The following SSMEM1 variants were observed in gnomAD, a reference collection of about 807,000 sequenced individuals.
SSMEM1 encodes the protein serine-rich single-pass membrane protein 1.
Under a neutral mutation model 9.9 loss-of-function variants are expected in SSMEM1, and 12 were observed. The observed-to-expected ratio is 1.21, with a 90% CI of 0.78 to 1.96. SSMEM1 has a LOEUF of 1.96. Among genes scored for constraint, SSMEM1 ranks in the 30% most tolerant of loss-of-function variants. The pLI is 0.00. For missense variants in SSMEM1, 259 were observed against 292.2 expected (o/e 0.89, Z 0.83); for synonymous variants, 96 against 98.9 (o/e 0.97, Z 0.17).
chr7:130,205,952 C>T (rs945928436), upstream of SSMEM1, among the ~76,000 whole-genome samples: 3 of 152,128 alleles, frequency 2.0e-5, no homozygotes, highest in African/African-American at 7.2e-5. Flanking sequence ...CTGCTGGCCT[C>T]CCACCGCCTT....
chr7:130,215,719 T>C (rs1798691786), intron 2 of SSMEM1, among the ~76,000 whole-genome samples: 1 of 152,220 alleles, frequency 6.6e-6, no homozygotes, highest in African/African-American at 2.4e-5. Context: ...TTTGACCTTA[T>C]GTTTAGCATC....
Position 130,207,903 on chromosome 7 carries a change from G to C in SSMEM1, c.-8G>C, listed in dbSNP as rs146270376. On this transcript the variant is annotated 5_prime_UTR_variant, in exon 1 of 3. Transcript: ENST00000297819. ...AAGCATGGTTTATTTTCTGAGCAAG[G>C]AGTCATCATGGGAGACCTTTTTTCC... 4,934 of 1,612,864 alleles carry C rather than the reference G, an allele frequency of 3.1e-3. 10 individuals carry two copies. Among genetic ancestry groups the C allele is most frequent in the Non-Finnish European group, 3.8e-3 (4,490 of 1,179,564 alleles).
In SSMEM1 at chr7:130,215,979, A is replaced by G. The variant is rs1798696566; in HGVS notation, c.244A>G (p.Lys82Glu). The G allele has an allele frequency of 1.2e-6, 2 of 1,613,566 alleles. No homozygotes were observed. Among genetic ancestry groups the G allele is most frequent in the Non-Finnish European group, 1.7e-6 (2 of 1,179,716 alleles). Residue 82 changes from lysine to glutamate, a missense_variant, in exon 3 of 3, where the codon AAA becomes GAA. Coordinates refer to ENST00000297819, the MANE Select transcript of SSMEM1 (RefSeq NM_145268.4). ...TATGTTTCATTGGTTGTTAGCAAGC[A>G]AAGAGACTTCCTGTAAGCGGCAAAG... ...GTSTSVRKASKETSCKRQSKD... is the reference protein window; with the variant it reads ...GTSTSVRKASEETSCKRQSKD...
In SSMEM1 at chr7:130,216,242, C is replaced by A; in HGVS notation, c.507C>A (p.His169Gln). 6.2e-7 allele frequency: 1 copy of A among 1,614,098 alleles called. No individual in the cohort carries two copies. The highest frequency in any genetic ancestry group is 8.5e-7 in the Non-Finnish European group (1 of 1,180,018). The part of the protein sequence containing the change: ...ASSWKESESE[H>Q]HPSPDSIKRR... ...CGTGGAAGGAGAGTGAAAGTGAACA[C>A]CACCCATCACCAGACAGTATTAAGA... is the stretch of plus-strand genomic sequence containing the variant. The change falls in exon 3 of 3, where the codon CAC becomes CAA. Residue 169 changes from histidine (H) to glutamine (Q), a missense_variant. Coordinates refer to ENST00000297819, the MANE Select transcript of SSMEM1 (RefSeq NM_145268.4).
At chr7:130,210,746 G>C (rs1798576003) in intron 1 of SSMEM1, among the ~76,000 whole-genome samples, 1 of 152,230 alleles carries the variant, frequency 6.6e-6, no homozygotes, top group Non-Finnish European at 1.5e-5. Context: ...CACAAAGACA[G>C]TTAATAAAAT....
At chr7:130,215,857 C>A in intron 2 of SSMEM1, 117 bp from the exon 3 acceptor site, 1 of 1,366,482 alleles carries the variant, frequency 7.3e-7, no homozygotes, top group Non-Finnish European at 1.0e-6. Context: ...TGGAGAAAAG[C>A]AATGGCTTGA....
At chr7:130,207,712 A>C, upstream of SSMEM1, 1 of 697,086 alleles carries the variant, frequency 1.4e-6, no homozygotes, top group Non-Finnish European at 2.6e-6. Flanking sequence ...AAATAACATA[A>C]ACATTCAGAG....
At chr7:130,206,983 TA>T (rs530574772), upstream of SSMEM1, 1,064 of 109,844 alleles carry the variant, frequency 9.7e-3, 3 homozygotes, top group Middle Eastern at 0.085. Flanking sequence ...GAGACCCTGC[TA>T]AAAAAAAAAA....
chr7:130,212,257 C>T (rs1017770629), intron 1 of SSMEM1, among the ~76,000 whole-genome samples: 4 of 152,050 alleles, frequency 2.6e-5, no homozygotes, highest in Non-Finnish European at 5.9e-5. Flanking sequence ...AAATCCATTT[C>T]TTTTGGTTGC....
chr7:130,215,911 A>C, intron 2 of SSMEM1, 63 bp from the exon 3 acceptor site: 1 of 1,566,584 alleles, frequency 6.4e-7, no homozygotes, highest in South Asian at 1.2e-5. Flanking sequence ...CAGGCTTCTT[A>C]AGTAATAGGA....
In SSMEM1 at chr7:130,216,205, C is replaced by A. The variant is rs763661744; in HGVS notation, c.470C>A (p.Ser157Ter). 13 of 1,614,166 alleles carry A rather than the reference C, an allele frequency of 8.1e-6. No homozygotes were observed. Among genetic ancestry groups the A allele is most frequent in the Middle Eastern group, 1.6e-4 (1 of 6,062 alleles). ...GAGTATGGCAGTGAAGAGTCTAACT[C>A]AGAAGCCTCCTCGTGGAAGGAGAGT... ...TTEYGSEESN[S>*]EASSWKESES... is the part of the protein sequence containing the mutation. The change falls in exon 3 of 3, where the codon TCA becomes TAA. Residue 157 changes from serine to a stop codon, truncating the protein, a stop_gained. Coordinates refer to ENST00000297819, the MANE Select transcript of SSMEM1 (RefSeq NM_145268.4). LOFTEE classifies it low-confidence loss of function (END_TRUNC).
chr7:130,211,318 C>T (rs1321123994), intron 1 of SSMEM1, among the ~76,000 whole-genome samples: 3 of 152,054 alleles, frequency 2.0e-5, no homozygotes, highest in Middle Eastern at 3.4e-3. Flanking sequence ...CCACCACACC[C>T]GGCTAATTTT....
intron 1 of SSMEM1, among the ~76,000 whole-genome samples, chr7:130,210,332 ACTT>A (rs1337195457): frequency 2.6e-5 from 4 of 152,258 alleles, no homozygotes; most frequent in East Asian, 1.9e-4. Context: ...TTCACTTTGA[ACTT>A]CTTCATTTTC....
At chr7:130,209,471 T>C (rs964920115) in intron 1 of SSMEM1, among the ~76,000 whole-genome samples, 1 of 152,272 alleles carries the variant, frequency 6.6e-6, no homozygotes, top group African/African-American at 2.4e-5. Flanking sequence ...ATAGCTTATA[T>C]GTGTCTTAGA....
intron 2 of SSMEM1, among the ~76,000 whole-genome samples, chr7:130,213,890 G>C (rs1426347359): frequency 1.3e-5 from 2 of 152,138 alleles, no homozygotes; most frequent in Non-Finnish European, 2.9e-5. Flanking sequence ...CTAGTGCAGA[G>C]GGACAGTTTA....
chr7:130,211,674 T>A (rs1798594582), intron 1 of SSMEM1, among the ~76,000 whole-genome samples: 1 of 152,220 alleles, frequency 6.6e-6, no homozygotes, highest in African/African-American at 2.4e-5. Flanking sequence ...TAAACTCATT[T>A]TTTTCCTAAT....
At chr7:130,205,457 A>G, upstream of SSMEM1, 1 of 1,608,458 alleles carries the variant, frequency 6.2e-7, no homozygotes, top group Non-Finnish European at 8.5e-7. Context: ...GCCACCGGCA[A>G]GCGGCTCTAA....
chr7:130,205,556 C>G (rs193084613), upstream of SSMEM1: 175 of 919,158 alleles, frequency 1.9e-4, no homozygotes, highest in Non-Finnish European at 2.7e-4. Flanking sequence ...GGAAACAGGT[C>G]TCGGTTTTGC....
chr7:130,212,799 A>G (rs1186990259), intron 1 of SSMEM1, among the ~76,000 whole-genome samples: 1 of 152,156 alleles, frequency 6.6e-6, no homozygotes, highest in African/African-American at 2.4e-5. Flanking sequence ...GTACTATCAA[A>G]TTTTTTAAAA....
Sources: allele counts gnomAD v4.1 joint callset (sites outside exome capture counted in the v4.1 genomes callset), GRCh38; gene constraint gnomAD v4.1.1; transcripts MANE v1.5; gene names NCBI Gene and HGNC (gene_info 2026-07-23, HGNC 2026-07-21).